ACAT2: variants seen among roughly 807,000 people sequenced by gnomAD.
ACAT2 encodes acetyl-CoA acetyltransferase 2, also known as acetyl-CoA acetyltransferase, cytosolic.
Under a neutral mutation model 37.1 loss-of-function variants are expected in ACAT2, and 26 were observed. The ratio of observed to expected loss-of-function variants is 0.70; its 90% CI spans 0.51 to 0.97. ACAT2 has a LOEUF of 0.97. ACAT2 is among the 50% of genes least tolerant of loss of function. ACAT2 has a pLI of 0.00. For missense variants in ACAT2, 468 were observed against 489.0 expected (o/e 0.96, Z 0.40); for synonymous variants, 156 against 163.6 (o/e 0.95, Z 0.35).
At position 159,778,248 on chromosome 6, in the gene ACAT2, A is replaced by G. The variant is rs1340214230; in HGVS notation, c.991A>G (p.Ile331Val). ...AGCCTTTGCAGCTGTCTCTGCTGCA[A>G]TAGTTAAAGAACTTGGATTAAACCC... ...NEAFAAVSAA[I>V]VKELGLNPEK... is the part of the protein sequence containing the mutation. The change falls in exon 8 of 9, where the codon ATA (isoleucine) becomes GTA (valine). Residue 331 changes from isoleucine (I) to valine (V), a missense_variant. Coordinates refer to ENST00000367048, the MANE Select transcript of ACAT2 (RefSeq NM_005891.3). 1.2e-6 allele frequency: 2 copies of G among 1,611,528 alleles called. No individual in the cohort carries two copies. Among genetic ancestry groups the G allele is most frequent in the African/African-American group, 1.3e-5 (1 of 74,992 alleles).
In ACAT2 at chr6:159,779,091, T is replaced by C; in HGVS notation, c.*262T>C. 3.7e-6 allele frequency: 6 copies of C among 1,614,122 alleles called. No homozygotes were observed. Among genetic ancestry groups the C allele is most frequent in the Non-Finnish European group, 5.1e-6 (6 of 1,179,986 alleles). On this transcript the variant is annotated 3_prime_UTR_variant, in exon 9 of 9. Coordinates refer to ENST00000367048, the MANE Select transcript of ACAT2 (RefSeq NM_005891.3). Reference sequence around the variant, plus strand: ...GTGAACAGCATCTTCATAACTTCCATGTTTATCATCTTTACTTTCTGGATG... The same window carrying C: ...GTGAACAGCATCTTCATAACTTCCACGTTTATCATCTTTACTTTCTGGATG...
intron 2 of ACAT2, among the ~76,000 whole-genome samples, chr6:159,765,312 C>T (rs1311442837): frequency 1.3e-5 from 2 of 152,056 alleles, no homozygotes; most frequent in Non-Finnish European, 1.5e-5. Context: ...GATGGGGTTT[C>T]AACATGTTGG....
At chr6:159,776,566 A>G (rs966685441) in intron 6 of ACAT2, among the ~76,000 whole-genome samples, 1 of 152,174 alleles carries the variant, frequency 6.6e-6, no homozygotes. Flanking sequence ...TTAAGGAAAC[A>G]TGTCATTTCT....
intron 5 of ACAT2, 41 bp downstream of exon 5, chr6:159,775,354 G>A: frequency 6.3e-7 from 1 of 1,593,856 alleles, no homozygotes; most frequent in Non-Finnish European, 8.6e-7. Context: ...CCTATTTATA[G>A]GTAAGAGTAA....
intron 1 of ACAT2, chr6:159,762,532 G>C: frequency 7.7e-7 from 1 of 1,304,938 alleles, no homozygotes; most frequent in Non-Finnish European, 9.9e-7. Flanking sequence ...CCGGCTTTGG[G>C]CTGGGGTCGG....
At chr6:159,776,323 A>G (rs368542780) in intron 6 of ACAT2, 51 bp downstream of exon 6, 3 of 1,573,920 alleles carry the variant, frequency 1.9e-6, no homozygotes, top group Non-Finnish European at 2.6e-6. Context: ...TATAATGTCT[A>G]CCGAGTGAAT....
chr6:159,774,298 C>G (rs1207573044), intron 4 of ACAT2, among the ~76,000 whole-genome samples: 1 of 152,174 alleles, frequency 6.6e-6, no homozygotes, highest in African/African-American at 2.4e-5. Flanking sequence ...CTGTTACAGA[C>G]AAAAGCAAAC....
At chr6:159,775,831 C>G (rs1780403934) in intron 5 of ACAT2, 1 of 262,592 alleles carries the variant, frequency 3.8e-6, no homozygotes, top group Non-Finnish European at 7.3e-6. Context: ...CTGCCTGATC[C>G]ACTCACTCGT....
chr6:159,762,998 C>T lies in ACAT2; in HGVS notation c.135C>T (p.Ala45=), dbSNP rs1263896568. The change falls in exon 2 of 9, where the codon GCC becomes GCT. Residue 45 remains alanine (A), a synonymous_variant. Coordinates refer to ENST00000367048, the MANE Select transcript of ACAT2 (RefSeq NM_005891.3). The part of the protein sequence containing the change: ...STVIKEVLKR[A]TVAPEDVSEV... ...TCATCAAAGAAGTCTTGAAGAGGGC[C>T]ACTGTGGCTCCGGAAGATGTGTCTG... 2 of 1,614,120 alleles carry T rather than the reference C, an allele frequency of 1.2e-6. No individual in the cohort carries two copies. Among genetic ancestry groups the T allele is most frequent in the Admixed American group, 1.7e-5 (1 of 60,020 alleles).
Position 159,778,771 on chromosome 6 carries a change from T to C in ACAT2, c.1136T>C (p.Val379Ala), listed in dbSNP as rs1583135506. ...TLERMGRSRG[V>A]AALCIGGGMG... ...GAGAGAATGGGCAGAAGTCGTGGTG[T>C]TGCAGCCCTGTGCATTGGGGGTGGG... Residue 379 changes from valine to alanine, a missense_variant, in exon 9 of 9, where the codon GTT (valine) becomes GCT (alanine). Val to Ala is a moderately conservative substitution (Grantham distance 64, BLOSUM62 0). Transcript: ENST00000367048. The C allele has an allele frequency of 1.2e-6, 2 of 1,614,242 alleles. No individual in the cohort carries two copies. The highest frequency in any genetic ancestry group is 2.2e-5 in the East Asian group (1 of 44,882).
chr6:159,772,866 G>A (rs1428721034), intron 4 of ACAT2, among the ~76,000 whole-genome samples: 1 of 151,906 alleles, frequency 6.6e-6, no homozygotes, highest in Non-Finnish European at 1.5e-5. Context: ...GACATAGAAA[G>A]CAAAGCAATA....
At chr6:159,768,997 A>C (rs1040517084) in intron 4 of ACAT2, among the ~76,000 whole-genome samples, 1 of 152,178 alleles carries the variant, frequency 6.6e-6, no homozygotes, top group Non-Finnish European at 1.5e-5. Context: ...ATTCATGCTG[A>C]AGGGTCCTGT....
intron 4 of ACAT2, among the ~76,000 whole-genome samples, chr6:159,771,519 T>C (rs1478416988): frequency 6.6e-6 from 1 of 152,050 alleles, no homozygotes; most frequent in Non-Finnish European, 1.5e-5. Flanking sequence ...AATTTCCACA[T>C]TTGGTGTGAA....
rs759620762 is a variant in ACAT2 at position 159,778,183 on chromosome 6, G to T, written c.926G>T (p.Gly309Val). ...TCTTTCCTCTAGGTTACAAAAGCAGGTTGGTCACTGGAAGATGTTGACATA... is the reference window on the plus strand; with the variant it reads ...TCTTTCCTCTAGGTTACAAAAGCAGTTTGGTCACTGGAAGATGTTGACATA... Reference protein sequence around the residue: ...PAIKQAVTKAGWSLEDVDIFE... With the variant: ...PAIKQAVTKAVWSLEDVDIFE... The change falls in exon 8 of 9, where the codon GGT becomes GTT. Residue 309 changes from glycine (G) to valine (V), a missense_variant. By Grantham distance (109) the Gly-to-Val change is moderately radical. Transcript: ENST00000367048. 6.2e-7 allele frequency: 1 copy of T among 1,611,464 alleles called. No individual in the cohort carries two copies. The highest frequency in any genetic ancestry group is 1.1e-5 in the South Asian group (1 of 90,760).
Position 159,767,005 on chromosome 6 carries a change from G to A in ACAT2, c.191G>A (p.Gly64Asp), listed in dbSNP as rs1277480506. ...GAGTCCTCTGTGTTCCTCTTTCTAG[G>A]CTGTGGGCAGAATCCTGTTAGACAA... is the stretch of plus-strand genomic sequence containing the variant. ...EVIFGHVLAA[G>D]CGQNPVRQAS... is the part of the protein sequence containing the mutation. The change falls in exon 3 of 9, where the codon GGC becomes GAC. Residue 64 changes from glycine (G) to aspartate (D), a missense_variant and splice_region_variant. Transcript: ENST00000367048. 47 of 1,613,802 alleles carry A rather than the reference G, an allele frequency of 2.9e-5. No homozygotes were observed. The highest frequency in any genetic ancestry group is 3.9e-5 in the Non-Finnish European group (46 of 1,179,870).
intron 2 of ACAT2, among the ~76,000 whole-genome samples, 180 bp from the exon 3 acceptor site, chr6:159,766,825 G>A (rs746835449): frequency 6.6e-6 from 1 of 152,008 alleles, no homozygotes; most frequent in Non-Finnish European, 1.5e-5. Context: ...ATATATTCAA[G>A]GGCTAGACTG....
At chr6:159,768,426 G>A in intron 3 of ACAT2, 85 bp from the exon 4 acceptor site, 1 of 1,016,952 alleles carries the variant, frequency 9.8e-7, no homozygotes, top group East Asian at 2.4e-5. Flanking sequence ...GAAGACTTAG[G>A]AAATACTAGA....
At chr6:159,765,666 A>G (rs1338863602) in intron 2 of ACAT2, among the ~76,000 whole-genome samples, 1 of 80,414 alleles carries the variant, frequency 1.2e-5, no homozygotes, top group Non-Finnish European at 2.6e-5. Flanking sequence ...TCCTGACCTC[A>G]AGTAATGCGC....
chr6:159,767,140 GA>G lies in ACAT2; in HGVS notation c.327del (p.Asp110ThrfsTer13). 1 of 1,614,220 alleles carries G rather than the reference GA, an allele frequency of 6.2e-7. No individual in the cohort carries two copies. Among genetic ancestry groups the G allele is most frequent in the Non-Finnish European group, 8.5e-7 (1 of 1,180,028 alleles). The stretch of plus-strand genomic sequence containing the variant: ...CTTGCAGTCCAGTCAATAGGGATAG[GA>G]GACTCCAGCATTGTGGTTGCAGGAG... ...VCLAVQSIGI[G>X]DSSIVVAGGM... On this transcript the variant is annotated frameshift_variant, in exon 3 of 9. Transcript: ENST00000367048. LOFTEE classifies it high-confidence loss of function.
Sources: gnomAD v4.1 joint callset for allele counts (sites outside exome capture counted in the v4.1 genomes callset) on GRCh38, gnomAD v4.1.1 for gene constraint, MANE v1.5 for transcripts, NCBI Gene and HGNC (gene_info 2026-07-23, HGNC 2026-07-21) for gene names.